The following CDH11 variants were observed in gnomAD, a reference collection of about 807,000 sequenced individuals.
CDH11 encodes the protein cadherin 11.
CDH11 carries 11 observed loss-of-function variants against 67.8 expected under a neutral mutation model. The ratio of observed to expected loss-of-function variants is 0.16; its 90% CI spans 0.10 to 0.27. CDH11 has a LOEUF of 0.27. Among genes scored for constraint, CDH11 ranks in the 10% least tolerant of loss-of-function variants. The pLI, the probability that CDH11 is intolerant of heterozygous loss-of-function variation, is 1.00. For synonymous variants in CDH11, 419 were observed against 400.0 expected, an observed-to-expected ratio of 1.05 and a Z score of -0.57; for missense variants, 847 against 1,031.2, an observed-to-expected ratio of 0.82 and a Z score of 2.45.
chr16:64,993,888 T>G (rs1020418085), intron 4 of CDH11, among the ~76,000 whole-genome samples: 4 of 152,182 alleles, frequency 2.6e-5, no homozygotes, highest in Non-Finnish European at 5.9e-5. Context: ...GCACATTCCA[T>G]GTATTTTGCC....
At chr16:65,020,301 T>C (rs2073396434) in intron 2 of CDH11, among the ~76,000 whole-genome samples, 1 of 152,222 alleles carries the variant, frequency 6.6e-6, no homozygotes, top group Admixed American at 6.5e-5. Context: ...AATGTATAAA[T>C]GTATAAATTT....
At chr16:64,970,333 C>G (rs35230) in intron 11 of CDH11, among the ~76,000 whole-genome samples, 1 of 151,952 alleles carries the variant, frequency 6.6e-6, no homozygotes, top group Non-Finnish European at 1.5e-5. Context: ...GCATGGGGAG[C>G]GCCTGTCTGC....
intron 2 of CDH11, among the ~76,000 whole-genome samples, chr16:65,037,086 G>A (rs1370554684): frequency 6.6e-6 from 1 of 152,048 alleles, no homozygotes; most frequent in Non-Finnish European, 1.5e-5. Flanking sequence ...GCCTGCTCTG[G>A]GCAACATCAC....
intron 2 of CDH11, among the ~76,000 whole-genome samples, chr16:65,036,234 T>C (rs987580893): frequency 6.6e-6 from 1 of 152,158 alleles, no homozygotes; most frequent in Admixed American, 6.5e-5. Flanking sequence ...TTTTAACAAT[T>C]TGACTTTAAG....
In CDH11 at chr16:64,971,640, A is replaced by C; in HGVS notation, c.1581T>G (p.Phe527Leu). 6.2e-7 allele frequency: 1 copy of C among 1,613,814 alleles called. No individual in the cohort carries two copies. The highest frequency in any genetic ancestry group is 8.5e-7 in the Non-Finnish European group (1 of 1,179,862). The change falls in exon 11 of 13, where the codon TTT becomes TTG. Residue 527 changes from phenylalanine (F) to leucine (L), a missense_variant. This residue lies in a region of CDH11 where 612 missense variants were observed against 678.7 expected (regional missense o/e 0.90). Transcript: ENST00000268603. Reference protein sequence around the residue: ...DKDDTANGPRFIFSLPPEIIH... With the variant: ...DKDDTANGPRLIFSLPPEIIH... ...TGATTTCAGGGGGTAGGCTGAAGAT[A>C]AATCTTGGTCCATTGGCCGTGTCAT...
chr16:64,988,416 T>C (rs2072544313), intron 6 of CDH11, 72 bp from the exon 7 acceptor site: 1 of 1,310,498 alleles, frequency 7.6e-7, no homozygotes, highest in Non-Finnish European at 1.0e-6. Context: ...TTTCATTGAA[T>C]CCCAATAAAT....
chr16:65,077,755 T>C (rs1356228274), intron 1 of CDH11, among the ~76,000 whole-genome samples: 1 of 152,242 alleles, frequency 6.6e-6, no homozygotes, highest in Non-Finnish European at 1.5e-5. Flanking sequence ...GTTTCACAAA[T>C]ATTTGGTGGA....
At chr16:65,061,317 C>A (rs957429947) in intron 1 of CDH11, among the ~76,000 whole-genome samples, 1 of 152,114 alleles carries the variant, frequency 6.6e-6, no homozygotes, top group African/African-American at 2.4e-5. Flanking sequence ...AGAATGGCCA[C>A]AAAATTATAT....
At chr16:65,080,123 C>T (rs1365264722) in intron 1 of CDH11, among the ~76,000 whole-genome samples, 3 of 151,834 alleles carry the variant, frequency 2.0e-5, no homozygotes, top group Admixed American at 1.3e-4. Context: ...TTAATATAAA[C>T]CCTGAATATT....
intron 2 of CDH11, among the ~76,000 whole-genome samples, chr16:65,047,387 T>C (rs2073981237): frequency 6.6e-6 from 1 of 151,922 alleles, no homozygotes; most frequent in African/African-American, 2.4e-5. Context: ...AGTCTTGCTC[T>C]GTCACCAGGT....
At chr16:65,013,797 A>C (rs2073232940) in intron 2 of CDH11, among the ~76,000 whole-genome samples, 1 of 151,938 alleles carries the variant, frequency 6.6e-6, no homozygotes, top group South Asian at 2.1e-4. Flanking sequence ...ACTGCACTTC[A>C]GCCTGGGCAA....
intron 8 of CDH11, among the ~76,000 whole-genome samples, chr16:64,974,629 G>A (rs1045432681): frequency 2.6e-5 from 4 of 152,114 alleles, no homozygotes; most frequent in African/African-American, 9.7e-5. Flanking sequence ...ATAGAATAAT[G>A]AGTCCCCTTG....
At position 65,004,654 on chromosome 16, in the gene CDH11, C is replaced by A; in HGVS notation, c.216G>T (p.Val72=). ...VIEEYTGPDP[V]LVGRLHSDID... The stretch of plus-strand genomic sequence containing the variant: ...AAGGCAGCCTTACCCTGCCCACAAG[C>A]ACGGGGTCAGGCCCGGTGTACTCCT... Residue 72 remains valine (V), a synonymous_variant, in exon 3 of 13, where the codon GTG becomes GTT. Transcript: ENST00000268603. 6.2e-7 allele frequency: 1 copy of A among 1,612,580 alleles called. No homozygotes were observed. The highest frequency in any genetic ancestry group is 8.5e-7 in the Non-Finnish European group (1 of 1,179,590).
chr16:65,088,949 AG>A (rs1295891903), intron 1 of CDH11, among the ~76,000 whole-genome samples: 3 of 152,182 alleles, frequency 2.0e-5, no homozygotes, highest in Non-Finnish European at 4.4e-5. Flanking sequence ...TTTCACTTTT[AG>A]GGAAAAAGTC....
chr16:65,046,416 C>A (rs1418204394), intron 2 of CDH11, among the ~76,000 whole-genome samples: 1 of 152,194 alleles, frequency 6.6e-6, no homozygotes, highest in Non-Finnish European at 1.5e-5. Context: ...GCACCTCCAG[C>A]CATCTCCATC....
chr16:64,957,557 C>T (rs2071547007), intron 11 of CDH11, among the ~76,000 whole-genome samples: 1 of 149,878 alleles, frequency 6.7e-6, no homozygotes, highest in Admixed American at 6.7e-5. Flanking sequence ...AATAGCTCTG[C>T]CAAGATAATG....
chr16:65,056,221 T>G (rs1464054522), intron 1 of CDH11, among the ~76,000 whole-genome samples: 1 of 152,190 alleles, frequency 6.6e-6, no homozygotes, highest in Non-Finnish European at 1.5e-5. Flanking sequence ...ATTACTGTGC[T>G]GTGAGAAAGC....
At chr16:64,996,975 C>T (rs2072784858) in intron 4 of CDH11, among the ~76,000 whole-genome samples, 1 of 152,018 alleles carries the variant, frequency 6.6e-6, no homozygotes, top group South Asian at 2.1e-4. Flanking sequence ...CTCAGTGTTA[C>T]ACAGTATATT....
chr16:65,013,880 A>C (rs1454096085), intron 2 of CDH11, among the ~76,000 whole-genome samples: 1 of 152,042 alleles, frequency 6.6e-6, no homozygotes, highest in Non-Finnish European at 1.5e-5. Context: ...TCAAAGGGAG[A>C]GTGCCAAGAG....
Sources: gnomAD v4.1 joint callset for allele counts (sites outside exome capture counted in the v4.1 genomes callset) on GRCh38, gnomAD v4.1.1 for gene constraint, gnomAD v4.1.1 regional missense constraint, MANE v1.5 for transcripts, NCBI Gene and HGNC (gene_info 2026-07-23, HGNC 2026-07-21) for gene names.